Variants in PKD1L1 observed in about 807,000 individuals in gnomAD.
PKD1L1 encodes the protein polycystin 1 like 1, transient receptor potential channel interacting.
A neutral mutation model predicts 323.4 loss-of-function variants in PKD1L1; 236 were observed. The ratio of observed to expected loss-of-function variants is 0.73; its 90% CI spans 0.66 to 0.81. PKD1L1 has a LOEUF of 0.81. Ranked by LOEUF, PKD1L1 falls within the 40% of genes least tolerant of loss-of-function variation. The pLI is 0.00. For missense variants in PKD1L1, 3,320 were observed against 3,508.0 expected (o/e 0.95, Z 1.35); for synonymous variants, 1,344 against 1,335.0 (o/e 1.01, Z -0.15).
At chr7:47,782,296 C>G (rs1031074415) in intron 56 of PKD1L1, among the ~76,000 whole-genome samples, 1 of 152,190 alleles carries the variant, frequency 6.6e-6, no homozygotes, top group Non-Finnish European at 1.5e-5. Context: ...CATTTCCTTA[C>G]TCCTGCCTGG....
At chr7:47,800,102 C>A (rs1245333572) in intron 54 of PKD1L1, among the ~76,000 whole-genome samples, 4 of 152,118 alleles carry the variant, frequency 2.6e-5, no homozygotes, top group African/African-American at 9.7e-5. Context: ...CAAGTCCAGG[C>A]AATAGGACAA....
Position 47,866,467 on chromosome 7 carries a change from T to C in PKD1L1, c.4044A>G (p.Ile1348Met), listed in dbSNP as rs1786171464. 2.5e-6 allele frequency: 4 copies of C among 1,613,944 alleles called. No homozygotes were observed. The African/African-American group carries it at 5.3e-5, about 22-fold the overall frequency. ...KTASCNQWSR[I>M]QDALISSVCR... ...ATACTGAAGAAATTAATGCATCCTGTATTCGTGACCATTGGTTGCAGGAGG... is the reference window on the plus strand; with the variant it reads ...ATACTGAAGAAATTAATGCATCCTGCATTCGTGACCATTGGTTGCAGGAGG... Residue 1348 changes from isoleucine to methionine, a missense_variant, in exon 25 of 57, where the codon ATA becomes ATG. Physicochemically the swap from Ile to Met is conservative, Grantham distance 10. Transcript: ENST00000289672.
At position 47,809,500 on chromosome 7, in the gene PKD1L1, G is replaced by A; in HGVS notation, c.7659C>T (p.Tyr2553=). Residue 2553 remains tyrosine, a synonymous_variant, in exon 51 of 57, where the codon TAC becomes TAT. Coordinates refer to ENST00000289672, the MANE Select transcript of PKD1L1 (RefSeq NM_138295.5). ...YRMMDKGVLS[Y]WRKPRNWLEL... is the part of the protein sequence containing the mutation. ...CCAGCCAGTTCCTTGGCTTTCGCCAGTAGCTGAGGACGCCCTTGTCCATCA... is the reference window on the plus strand; with the variant it reads ...CCAGCCAGTTCCTTGGCTTTCGCCAATAGCTGAGGACGCCCTTGTCCATCA... 1 of 1,607,752 alleles carries A rather than the reference G, an allele frequency of 6.2e-7. No individual in the cohort carries two copies. The highest frequency in any genetic ancestry group is 8.5e-7 in the Non-Finnish European group (1 of 1,177,140).
At chr7:47,879,626 T>A (rs1402820973) in intron 21 of PKD1L1, among the ~76,000 whole-genome samples, 3 of 79,256 alleles carry the variant, frequency 3.8e-5, no homozygotes. Flanking sequence ...GAGCAAGACT[T>A]TGTCTCAAAA....
chr7:47,775,840 C>T (rs1159562215), intron 56 of PKD1L1, among the ~76,000 whole-genome samples: 1 of 146,478 alleles, frequency 6.8e-6, no homozygotes, highest in East Asian at 2.0e-4. Flanking sequence ...ATAGAGAAAA[C>T]GAATGAAACC....
chr7:47,798,932 C>T (rs1339636961), intron 54 of PKD1L1, among the ~76,000 whole-genome samples: 1 of 152,128 alleles, frequency 6.6e-6, no homozygotes, highest in African/African-American at 2.4e-5. Context: ...AACTTCTGCT[C>T]TGTAGAGATG....
chr7:47,822,772 C>T (rs1007954268), intron 45 of PKD1L1, among the ~76,000 whole-genome samples: 2 of 152,170 alleles, frequency 1.3e-5, no homozygotes, highest in Non-Finnish European at 2.9e-5. Flanking sequence ...TTTCAACATA[C>T]AGATCCTGCA....
In PKD1L1 at chr7:47,821,092, G is replaced by A. The variant is rs139293796; in HGVS notation, c.6949C>T (p.Arg2317Trp). 3,207 of 1,592,036 alleles carry A rather than the reference G, an allele frequency of 2.0e-3. 7 individuals carry two copies. The highest frequency in any genetic ancestry group is 0.011 in the Middle Eastern group (65 of 6,028). Residue 2317 changes from arginine to tryptophan, a missense_variant, in exon 46 of 57, where the codon CGG (arginine) becomes TGG (tryptophan). By Grantham distance (101) the Arg-to-Trp change is moderately radical. Coordinates refer to ENST00000289672, the MANE Select transcript of PKD1L1 (RefSeq NM_138295.5). ...QDEYSLNQAI[R>W]KEFTRNARNC... ...ACCTCCTACCTTGTAAATTCTTTCC[G>A]GATAGCTTGATTGAGGGAGTATTCA...
At chr7:47,888,203 T>C in intron 16 of PKD1L1, 53 bp from the exon 17 acceptor site, 2 of 1,543,222 alleles carry the variant, frequency 1.3e-6, no homozygotes, top group Non-Finnish European at 1.8e-6. Context: ...GAGGGTTCTT[T>C]GGTCACATTA....
At chr7:47,949,046 A>C (rs981342822), upstream of PKD1L1, among the ~76,000 whole-genome samples, 1 of 152,170 alleles carries the variant, frequency 6.6e-6, no homozygotes, top group South Asian at 2.1e-4. Context: ...GAGACTGTAC[A>C]TGGAAGCTGA....
At chr7:47,835,914 A>G (rs953697578) in intron 37 of PKD1L1, among the ~76,000 whole-genome samples, 1 of 152,196 alleles carries the variant, frequency 6.6e-6, no homozygotes. Context: ...ACTCTCTACC[A>G]GGCATGTGCT....
rs1272913356 is a variant in PKD1L1, at chr7:47,854,939, A to T, written c.4802T>A (p.Ile1601Lys). 6.2e-7 allele frequency: 1 copy of T among 1,614,018 alleles called. No individual in the cohort carries two copies. The highest frequency in any genetic ancestry group is 1.3e-5 in the African/African-American group (1 of 74,940). The part of the protein sequence containing the change: ...LSENPQESLQ[I>K]EIEFSKPVTR... The stretch of plus-strand genomic sequence containing the variant: ...AACAGGTTTGGAAAATTCAATTTCT[A>T]TCTGTAGAGATTCCTGGGGGTTTTC... Residue 1601 changes from isoleucine (I) to lysine (K), a missense_variant, in exon 30 of 57, where the codon ATA (isoleucine) becomes AAA (lysine). Physicochemically the swap from Ile to Lys is moderately radical, Grantham distance 102. Coordinates refer to ENST00000289672, the MANE Select transcript of PKD1L1 (RefSeq NM_138295.5).
In PKD1L1 at chr7:47,800,730, G is replaced by C; in HGVS notation, c.8112C>G (p.Gly2704=). 5 of 1,614,204 alleles carry C rather than the reference G, an allele frequency of 3.1e-6. No individual in the cohort carries two copies. Among genetic ancestry groups the C allele is most frequent in the Non-Finnish European group, 4.2e-6 (5 of 1,180,046 alleles). ...TGGCCCGCTGGTCAGACTTGGAAAGGCCAAGGAGGCAGTCTTTTTGGCTTC... is the reference window on the plus strand; with the variant it reads ...TGGCCCGCTGGTCAGACTTGGAAAGCCCAAGGAGGCAGTCTTTTTGGCTTC... The part of the protein sequence containing the change: ...PRRSQKDCLL[G]LSKSDQRAMA... Residue 2704 remains glycine (G), a synonymous_variant, in exon 54 of 57, where the codon GGC becomes GGG. Coordinates refer to ENST00000289672, the MANE Select transcript of PKD1L1 (RefSeq NM_138295.5).
At position 47,800,844 on chromosome 7, in the gene PKD1L1, G is replaced by T; in HGVS notation, c.7998C>A (p.His2666Gln). 5.0e-6 allele frequency: 8 copies of T among 1,614,064 alleles called. No individual in the cohort carries two copies. The highest frequency in any genetic ancestry group is 6.8e-6 in the Non-Finnish European group (8 of 1,180,026). Residue 2666 changes from histidine to glutamine, a missense_variant, in exon 54 of 57, where the codon CAC (histidine) becomes CAA (glutamine). His to Gln is a conservative substitution (Grantham distance 24). Coordinates refer to ENST00000289672, the MANE Select transcript of PKD1L1 (RefSeq NM_138295.5). The stretch of plus-strand genomic sequence containing the variant: ...ACATAGAGAGCAGAAATCGGTGCAG[G>T]TGGGAGAGGGCGGCCAGCATCAGTG... ...VGALMLAALS[H>Q]LHRFLLSMWV...
At chr7:47,899,974 A>C (rs1787050216) in intron 13 of PKD1L1, among the ~76,000 whole-genome samples, 1 of 151,630 alleles carries the variant, frequency 6.6e-6, no homozygotes, top group African/African-American at 2.4e-5. Context: ...AAAAAATCGG[A>C]AAGGGAAAAA....
rs1475851452 is a variant in PKD1L1 at position 47,775,028 on chromosome 7, ACTT to A, written c.*112_*114del. On this transcript the variant is annotated 3_prime_UTR_variant, in exon 57 of 57. Transcript: ENST00000289672. ...TACGTGAACTGGAAAAATTAACAAA[ACTT>A]CTTCGTACCTCAGCTCTTCTCACCT... The A allele has an allele frequency of 2.1e-5, 24 of 1,147,694 alleles. No homozygotes were observed. The Admixed American group carries it at 2.5e-4, about 12-fold the overall frequency. 71.1% of individuals were successfully genotyped at this position (1,147,694 alleles called of 1,614,324 possible).
chr7:47,887,040 A>C (rs1786700671), intron 17 of PKD1L1, among the ~76,000 whole-genome samples: 1 of 133,988 alleles, frequency 7.5e-6, no homozygotes, highest in Admixed American at 7.9e-5. Context: ...TGAAAGTCTA[A>C]CCACTGTATG....
At position 47,932,069 on chromosome 7, in the gene PKD1L1, G is replaced by A; in HGVS notation, c.399-13C>T. The A allele has an allele frequency of 1.3e-6, 2 of 1,590,060 alleles. No individual in the cohort carries two copies. Among genetic ancestry groups the A allele is most frequent in the Non-Finnish European group, 8.6e-7 (1 of 1,167,626 alleles). ...TTTGTGGGGAATTCTGTATGGGAAGGAAAGTGCAGAAAGAAAAGGAAACCC... is the reference window on the plus strand; with the variant it reads ...TTTGTGGGGAATTCTGTATGGGAAGAAAAGTGCAGAAAGAAAAGGAAACCC... On this transcript the variant is annotated splice_polypyrimidine_tract_variant and intron_variant, in intron 4 of 56. Transcript: ENST00000289672.
chr7:47,805,426 C>T (rs1315927128), intron 52 of PKD1L1, among the ~76,000 whole-genome samples: 4 of 152,242 alleles, frequency 2.6e-5, no homozygotes, highest in African/African-American at 4.8e-5. Flanking sequence ...ACTGTCTCTA[C>T]AGAGAATAAT....
Sources: gnomAD v4.1 joint callset for allele counts (sites outside exome capture counted in the v4.1 genomes callset) on GRCh38, gnomAD v4.1.1 for gene constraint, MANE v1.5 for transcripts, NCBI Gene and HGNC (gene_info 2026-07-23, HGNC 2026-07-21) for gene names.